PDZRN4: variants seen among roughly 807,000 people sequenced by gnomAD.
The protein encoded by PDZRN4 is PDZ domain containing ring finger 4, also known as PDZ domain-containing RING finger protein 4.
A neutral mutation model predicts 99.0 loss-of-function variants in PDZRN4; 70 were observed. That is an observed-to-expected ratio of 0.71 (90% CI 0.58 to 0.86). The LOEUF is 0.86. Among genes scored for constraint, PDZRN4 ranks in the 40% least tolerant of loss-of-function variants. PDZRN4 has a pLI of 0.00. For missense variants in PDZRN4, 1,474 were observed against 1,331.2 expected (o/e 1.11, Z -1.67); for synonymous variants, 551 against 501.6 (o/e 1.10, Z -1.32).
intron 3 of PDZRN4, among the ~76,000 whole-genome samples, chr12:41,464,502 C>A (rs1952906463): frequency 6.6e-6 from 1 of 152,124 alleles, no homozygotes; most frequent in Admixed American, 6.5e-5. Context: ...ATTACAAGCA[C>A]AATTAATATG....
At chr12:41,481,659 C>T (rs1329137106) in intron 3 of PDZRN4, among the ~76,000 whole-genome samples, 3 of 152,154 alleles carry the variant, frequency 2.0e-5, no homozygotes, top group Non-Finnish European at 2.9e-5. Flanking sequence ...GTAAAGTTTT[C>T]CCTGATCCTC....
chr12:41,317,568 T>G (rs1951647003), intron 3 of PDZRN4, among the ~76,000 whole-genome samples: 1 of 152,158 alleles, frequency 6.6e-6, no homozygotes, highest in Non-Finnish European at 1.5e-5. Context: ...CATCGTGAGA[T>G]TGTTTTTTTC....
chr12:41,228,996 C>CT (rs902969297), intron 3 of PDZRN4, among the ~76,000 whole-genome samples: 66 of 151,892 alleles, frequency 4.3e-4, no homozygotes, highest in Admixed American at 9.8e-4. Context: ...ATATGACATC[C>CT]TTTTTTCCAA....
chr12:41,235,280 C>T (rs991619268), intron 3 of PDZRN4, among the ~76,000 whole-genome samples: 2 of 151,890 alleles, frequency 1.3e-5, no homozygotes, highest in Admixed American at 1.3e-4. Context: ...TATTATTGTG[C>T]CATTGTGTTT....
chr12:41,242,134 T>C (rs933415584), intron 3 of PDZRN4, among the ~76,000 whole-genome samples: 1 of 152,184 alleles, frequency 6.6e-6, no homozygotes, highest in Non-Finnish European at 1.5e-5. Context: ...GAGCCAGGTA[T>C]GTGTTTAACT....
intron 3 of PDZRN4, among the ~76,000 whole-genome samples, chr12:41,205,565 C>A (rs1009613370): frequency 2.6e-5 from 4 of 151,886 alleles, no homozygotes; most frequent in Non-Finnish European, 5.9e-5. Context: ...CACTGGAATT[C>A]TCTTTCCCCT....
intron 8 of PDZRN4, 127 bp downstream of exon 8, chr12:41,563,776 T>G: frequency 1.8e-5 from 12 of 678,348 alleles, no homozygotes; most frequent in East Asian, 2.8e-5. Flanking sequence ...CGGTTATCTC[T>G]CCCCATATAA....
At chr12:41,235,609 C>T (rs1342994685) in intron 3 of PDZRN4, among the ~76,000 whole-genome samples, 1 of 152,026 alleles carries the variant, frequency 6.6e-6, no homozygotes, top group East Asian at 1.9e-4. Flanking sequence ...AATGCTAGAC[C>T]TTATGTTTTT....
chr12:41,457,656 T>C (rs1401584004), intron 3 of PDZRN4, among the ~76,000 whole-genome samples: 2 of 152,212 alleles, frequency 1.3e-5, no homozygotes, highest in Non-Finnish European at 2.9e-5. Context: ...ATGCTTATTT[T>C]CCTTGTACCA....
chr12:41,188,381 G>A lies in PDZRN4; in HGVS notation c.-75G>A, dbSNP rs527625169. ...CCGCCGCGAGACGGCTGCCCCGGGGGTGGCCCGGGGAAGGCAGGGGGGCTC... is the reference window on the plus strand; with the variant it reads ...CCGCCGCGAGACGGCTGCCCCGGGGATGGCCCGGGGAAGGCAGGGGGGCTC... On this transcript the variant is annotated 5_prime_UTR_variant, in exon 1 of 10. The change creates a new upstream start codon in the 5' untranslated region. Coordinates refer to ENST00000402685, the MANE Select transcript of PDZRN4 (RefSeq NM_001164595.2). 7.4e-6 allele frequency: 10 copies of A among 1,354,210 alleles called. No homozygotes were observed. Among genetic ancestry groups the A allele is most frequent in the Non-Finnish European group, 9.7e-6 (10 of 1,025,796 alleles). The allele number at this position is 1,354,210 out of a possible 1,614,324, so 83.9% of individuals were successfully genotyped here.
At chr12:41,280,891 G>A (rs1951380534) in intron 3 of PDZRN4, among the ~76,000 whole-genome samples, 1 of 152,148 alleles carries the variant, frequency 6.6e-6, no homozygotes, top group South Asian at 2.1e-4. Flanking sequence ...CCTCAAGTGG[G>A]TCCCTGACCC....
chr12:41,437,986 C>T, intron 3 of PDZRN4: 1 of 1,614,132 alleles, frequency 6.2e-7, no homozygotes, highest in Non-Finnish European at 8.5e-7. Context: ...GAGAGGAACA[C>T]TACAAACTGC....
intron 3 of PDZRN4, among the ~76,000 whole-genome samples, chr12:41,394,778 TGAGAGAGA>T (rs112076468): frequency 2.7e-5 from 4 of 146,838 alleles, no homozygotes; most frequent in Non-Finnish European, 6.0e-5. Flanking sequence ...TTAGAGTAAA[TGAGAGAGA>T]GAGAGAGAGA....
intron 7 of PDZRN4, among the ~76,000 whole-genome samples, chr12:41,561,605 A>T (rs1260017532): frequency 2.5e-5 from 3 of 118,174 alleles, no homozygotes. Flanking sequence ...TATATATATA[A>T]AGACTATATA....
chr12:41,193,982 G>T, intron 2 of PDZRN4, 99 bp from the exon 3 acceptor site: 1 of 647,376 alleles, frequency 1.5e-6, no homozygotes, highest in South Asian at 1.8e-5. Flanking sequence ...AGAGTTGCAG[G>T]TTTACAGAGG....
intron 5 of PDZRN4, among the ~76,000 whole-genome samples, chr12:41,544,919 G>A (rs1938919990): frequency 6.6e-6 from 1 of 152,070 alleles, no homozygotes; most frequent in Non-Finnish European, 1.5e-5. Flanking sequence ...GTGACTTTGG[G>A]CCCAAGTTCT....
intron 5 of PDZRN4, among the ~76,000 whole-genome samples, chr12:41,533,724 AGTG>A (rs1235632042): frequency 6.6e-6 from 1 of 152,114 alleles, no homozygotes; most frequent in African/African-American, 2.4e-5. Context: ...TTGCTTTGCA[AGTG>A]GTGGTGGTTC....
chr12:41,383,406 A>T (rs1952140725), intron 3 of PDZRN4, among the ~76,000 whole-genome samples: 1 of 152,246 alleles, frequency 6.6e-6, no homozygotes, highest in African/African-American at 2.4e-5. Flanking sequence ...AGAAATAAAT[A>T]CTTTCATATA....
chr12:41,307,547 G>A (rs1951579512), intron 3 of PDZRN4, among the ~76,000 whole-genome samples: 1 of 151,986 alleles, frequency 6.6e-6, no homozygotes, highest in Admixed American at 6.6e-5. Flanking sequence ...GCATTTGAGA[G>A]GGCCATAAGT....
Sources: allele counts gnomAD v4.1 joint callset (sites outside exome capture counted in the v4.1 genomes callset), GRCh38; gene constraint gnomAD v4.1.1; transcripts MANE v1.5; gene names NCBI Gene and HGNC (gene_info 2026-07-23, HGNC 2026-07-21).